GPHN: variants seen among roughly 807,000 people sequenced by gnomAD.
GPHN encodes gephyrin.
Under a neutral mutation model 95.5 loss-of-function variants are expected in GPHN, and 17 were observed. The observed-to-expected ratio is 0.18, with a 90% confidence interval of 0.12 to 0.27. GPHN has a LOEUF of 0.27. GPHN is among the 10% of genes least tolerant of loss of function. GPHN has a pLI of 1.00. For missense variants in GPHN, 660 were observed against 978.1 expected, an observed-to-expected ratio of 0.67 and a Z score of 4.34; for synonymous variants, 320 against 322.5, an observed-to-expected ratio of 0.99 and a Z score of 0.08.
the GPHN span, among the ~76,000 whole-genome samples, chr14:67,480,092 C>T: frequency 3.4e-4 from 52 of 152,274 alleles, no homozygotes; most frequent in Middle Eastern, 6.8e-3. Flanking sequence ...CGAATGAACT[C>T]GTACATATAC....
chr14:67,244,285 A>G, the GPHN span, among the ~76,000 whole-genome samples: 2 of 152,226 alleles, frequency 1.3e-5, no homozygotes, highest in Non-Finnish European at 2.9e-5. Context: ...GGAATTGCTG[A>G]TAATAGGTTG....
the GPHN span, among the ~76,000 whole-genome samples, chr14:67,546,088 G>A: frequency 2.6e-5 from 4 of 152,224 alleles, no homozygotes; most frequent in African/African-American, 9.6e-5. Context: ...GAGAACATGA[G>A]GGGACATGTT....
At chr14:67,625,013 C>A in the GPHN span, among the ~76,000 whole-genome samples, 1 of 152,132 alleles carries the variant, frequency 6.6e-6, no homozygotes, top group Non-Finnish European at 1.5e-5. Flanking sequence ...TCCTCATAGA[C>A]CATCCCCAGA....
At chr14:67,520,855 G>T in the GPHN span, among the ~76,000 whole-genome samples, 1 of 152,230 alleles carries the variant, frequency 6.6e-6, no homozygotes, top group Non-Finnish European at 1.5e-5. Context: ...TGGATTGTGT[G>T]GTGAGAGTAT....
chr14:67,550,158 T>TAAAAAAAAAAAAAA, the GPHN span, among the ~76,000 whole-genome samples: 1 of 145,206 alleles, frequency 6.9e-6, no homozygotes. Context: ...GATCTGTTGC[T>TAAAAAAAAAAAAAA]AAAAAAAAAA....
intron 17 of GPHN, among the ~76,000 whole-genome samples, chr14:67,127,737 T>A (rs1046008744): frequency 1.3e-5 from 2 of 152,230 alleles, no homozygotes; most frequent in African/African-American, 4.8e-5. Flanking sequence ...TTGATCTTAC[T>A]TTTGAAGAAT....
chr14:67,198,886 T>A, the GPHN span: 1 of 682,780 alleles, frequency 1.5e-6, no homozygotes, highest in East Asian at 2.8e-5. Context: ...ATGATAGGGG[T>A]CATACCTCTA....
rs181710641 is a variant in GPHN at position 66,743,131 on chromosome 14, C to T, written c.144-33333C>T. 4.3e-3 allele frequency among the ~76,000 whole-genome samples: 655 copies of T among 152,038 alleles called. 7 individuals are homozygous for T. The highest frequency in any genetic ancestry group is 4.5e-3 in the Non-Finnish European group (308 of 67,984). On this transcript the variant is annotated intron_variant, in intron 2 of 22. Transcript: ENST00000478722. ...GTTGTTTGCTCATTGGGAAAATACT[C>T]CAGGGTGAGGCCTCCCTTACATCTG...
the GPHN span, chr14:67,695,743 C>G: frequency 6.3e-7 from 1 of 1,589,126 alleles, no homozygotes; most frequent in Non-Finnish European, 8.6e-7. Context: ...GATGCTCCAG[C>G]GTTGCTCGCC....
intron 4 of GPHN, among the ~76,000 whole-genome samples, chr14:66,856,185 T>G (rs2062796519): frequency 6.6e-6 from 1 of 152,102 alleles, no homozygotes; most frequent in African/African-American, 2.4e-5. Context: ...ATGAGTAACT[T>G]TGGTTTAAAA....
chr14:66,635,720 G>C (rs898049136), intron 1 of GPHN, among the ~76,000 whole-genome samples: 6 of 152,144 alleles, frequency 3.9e-5, no homozygotes, highest in African/African-American at 7.2e-5. Context: ...AAGGAATGAG[G>C]TGTACTGGAA....
intron 9 of GPHN, among the ~76,000 whole-genome samples, chr14:66,992,204 T>C (rs1296544542): frequency 1.3e-5 from 2 of 149,246 alleles, no homozygotes; most frequent in Non-Finnish European, 3.0e-5. Context: ...GCTGACCAAG[T>C]GTGATTTTTT....
chr14:67,592,845 G>A, the GPHN span: 1 of 614,668 alleles, frequency 1.6e-6, no homozygotes, highest in Non-Finnish European at 2.9e-6. Flanking sequence ...CAGTGCAGTG[G>A]CGCAATCTCG....
At chr14:66,625,593 A>T (rs150293274) in intron 1 of GPHN, among the ~76,000 whole-genome samples, 1 of 151,938 alleles carries the variant, frequency 6.6e-6, no homozygotes, top group African/African-American at 2.4e-5. Context: ...AATACAGTTT[A>T]TGTTTCATTT....
At chr14:67,580,651 G>A in the GPHN span, among the ~76,000 whole-genome samples, 17 of 152,318 alleles carry the variant, frequency 1.1e-4, no homozygotes, top group African/African-American at 3.1e-4. Context: ...GCTGGTGTTC[G>A]AAGGCCATGG....
intron 1 of GPHN, among the ~76,000 whole-genome samples, chr14:66,617,454 A>T (rs928427253): frequency 6.6e-6 from 1 of 151,998 alleles, no homozygotes; most frequent in African/African-American, 2.4e-5. Context: ...GGCTATGGGG[A>T]GGGTGTTCCC....
intron 1 of GPHN, among the ~76,000 whole-genome samples, chr14:66,639,403 T>G (rs979329611): frequency 1.3e-5 from 2 of 152,130 alleles, no homozygotes; most frequent in African/African-American, 2.4e-5. Context: ...GGAATCAATA[T>G]GTACAAGATG....
chr14:67,491,942 C>T, the GPHN span, among the ~76,000 whole-genome samples: 761 of 152,318 alleles, frequency 5.0e-3, 2 homozygotes, highest in Non-Finnish European at 7.3e-3. Context: ...GGAGCCAGGC[C>T]CCAACCCCAC....
intron 20 of GPHN, among the ~76,000 whole-genome samples, chr14:67,165,792 C>A (rs1220869509): frequency 1.3e-5 from 2 of 152,228 alleles, no homozygotes; most frequent in Admixed American, 1.3e-4. Flanking sequence ...TCCCCACTCC[C>A]ACCCTTGTCC....
Sources: allele counts gnomAD v4.1 joint callset (sites outside exome capture counted in the v4.1 genomes callset), GRCh38; gene constraint gnomAD v4.1.1; transcripts MANE v1.5; gene names NCBI Gene and HGNC (gene_info 2026-07-23, HGNC 2026-07-21).